ARID4B: variants seen among roughly 807,000 people sequenced by gnomAD.
The protein encoded by ARID4B is AT-rich interactive domain-containing protein 4B.
ARID4B carries 26 observed loss-of-function variants against 147.5 expected under a neutral mutation model. The observed-to-expected ratio is 0.18, with a 90% CI of 0.13 to 0.24. ARID4B has a LOEUF of 0.24. Among genes scored for constraint, ARID4B ranks in the 10% least tolerant of loss-of-function variants. The pLI, the probability that ARID4B is intolerant of heterozygous loss-of-function variation, is 1.00. For synonymous variants in ARID4B, 512 were observed against 507.9 expected (o/e 1.01, Z -0.11); for missense variants, 1,179 against 1,511.5 (o/e 0.78, Z 3.65).
intron 6 of ARID4B, 98 bp downstream of exon 6, chr1:235,252,632 C>T: frequency 1.1e-6 from 1 of 947,682 alleles, no homozygotes; most frequent in East Asian, 2.5e-5. Flanking sequence ...AATGAACTTT[C>T]CTGATTAGGA....
intron 2 of ARID4B, among the ~76,000 whole-genome samples, chr1:235,323,164 A>AT (rs913893100): frequency 6.6e-6 from 1 of 151,508 alleles, no homozygotes; most frequent in Non-Finnish European, 1.5e-5. Context: ...CAGTCTCCTG[A>AT]GTAGCTGGGA....
At chr1:235,296,202 C>T (rs1032255087) in intron 2 of ARID4B, 3 of 158,784 alleles carry the variant, frequency 1.9e-5, no homozygotes, top group Non-Finnish European at 4.2e-5. Context: ...AATACCAGAT[C>T]AAACAGGCTA....
intron 16 of ARID4B, among the ~76,000 whole-genome samples, chr1:235,216,822 T>G (rs1667124314): frequency 6.6e-6 from 1 of 152,086 alleles, no homozygotes; most frequent in Non-Finnish European, 1.5e-5. Context: ...AATACTTGCC[T>G]AAGTCATAAG....
At chr1:235,307,681 C>G (rs1017420426) in intron 2 of ARID4B, among the ~76,000 whole-genome samples, 1 of 152,132 alleles carries the variant, frequency 6.6e-6, no homozygotes, top group South Asian at 2.1e-4. Context: ...CTCAAATGAC[C>G]TTTCAAAGTC....
Position 235,182,807 on chromosome 1 carries a change from G to GAAA in ARID4B, c.2126-17_2126-15dup, listed in dbSNP as rs60537954. On this transcript the variant is annotated splice_polypyrimidine_tract_variant and intron_variant, in intron 19 of 23. Transcript: ENST00000264183. The stretch of plus-strand genomic sequence containing the variant: ...AACTTTCAGAAGCTAGAAAATAACA[G>GAAA]AAAAAAAAATGATGAGTATGATAAG... The GAAA allele has an allele frequency of 6.5e-6, 10 of 1,540,314 alleles. No homozygotes were observed. In the African/African-American group the frequency reaches 1.4e-4, roughly 21 times the overall value.
At chr1:235,232,444 T>TA (rs1668299914) in intron 9 of ARID4B, among the ~76,000 whole-genome samples, 1 of 149,820 alleles carries the variant, frequency 6.7e-6, no homozygotes, top group Non-Finnish European at 1.5e-5. Flanking sequence ...TAAAATAAAA[T>TA]AAATAAATAA....
At chr1:235,283,225 T>C (rs926601699) in intron 2 of ARID4B, among the ~76,000 whole-genome samples, 1 of 152,228 alleles carries the variant, frequency 6.6e-6, no homozygotes, top group Admixed American at 6.5e-5. Context: ...CTTTAAGTGA[T>C]TTTAAGGACA....
At chr1:235,285,615 A>G (rs1268911711) in intron 2 of ARID4B, among the ~76,000 whole-genome samples, 1 of 152,230 alleles carries the variant, frequency 6.6e-6, no homozygotes, top group Non-Finnish European at 1.5e-5. Flanking sequence ...AATGCAATCA[A>G]GAAAGAAAAG....
intron 1 of ARID4B, 103 bp from the exon 2 acceptor site, chr1:235,327,071 A>G: frequency 3.9e-6 from 3 of 767,438 alleles, no homozygotes; most frequent in South Asian, 3.2e-5. Flanking sequence ...CCGAAGAAAG[A>G]GCCGCAACCA....
intron 6 of ARID4B, among the ~76,000 whole-genome samples, chr1:235,251,933 G>C (rs1315549076): frequency 6.6e-6 from 1 of 152,162 alleles, no homozygotes; most frequent in Non-Finnish European, 1.5e-5. Context: ...TTTGGTGCTA[G>C]AAAGTGCTGG....
intron 16 of ARID4B, among the ~76,000 whole-genome samples, chr1:235,218,027 T>G (rs12029822): frequency 0.28 from 42,990 of 152,050 alleles, 7,439 homozygotes; most frequent in South Asian, 0.53. Flanking sequence ...AATTATAATA[T>G]GCTATAATAA....
At chr1:235,277,001 A>G (rs892496357) in intron 2 of ARID4B, among the ~76,000 whole-genome samples, 4 of 130,654 alleles carry the variant, frequency 3.1e-5, no homozygotes, top group South Asian at 2.3e-4. Flanking sequence ...ACCATCTCCG[A>G]AAAAAAAAAA....
At chr1:235,184,852 T>C (rs1189677055) in intron 19 of ARID4B, among the ~76,000 whole-genome samples, 5 of 152,188 alleles carry the variant, frequency 3.3e-5, no homozygotes, top group Non-Finnish European at 5.9e-5. Flanking sequence ...AATCTCACTC[T>C]GTCACCCAGG....
chr1:235,319,242 C>T (rs1050623196), intron 2 of ARID4B, among the ~76,000 whole-genome samples: 4 of 152,222 alleles, frequency 2.6e-5, no homozygotes, highest in Non-Finnish European at 4.4e-5. Context: ...TTTGGTGAGG[C>T]GCGGTGGCTC....
At chr1:235,322,337 C>A (rs1674900434) in intron 2 of ARID4B, among the ~76,000 whole-genome samples, 1 of 152,084 alleles carries the variant, frequency 6.6e-6, no homozygotes. Context: ...TTTTCGACTC[C>A]CTCACTCAGC....
intron 2 of ARID4B, among the ~76,000 whole-genome samples, chr1:235,301,592 C>CTAGGGTG (rs1673148533): frequency 6.9e-6 from 1 of 144,768 alleles, no homozygotes; most frequent in Non-Finnish European, 1.5e-5. Flanking sequence ...CTGGCCCAGG[C>CTAGGGTG]TAGGGTGCAG....
intron 2 of ARID4B, among the ~76,000 whole-genome samples, chr1:235,269,539 G>C (rs373201676): frequency 2.6e-5 from 4 of 152,256 alleles, no homozygotes; most frequent in Non-Finnish European, 5.9e-5. Flanking sequence ...AGTACAATGG[G>C]TGACAGAACA....
chr1:235,242,213 A>C (rs1361993819), intron 7 of ARID4B, among the ~76,000 whole-genome samples: 1 of 150,880 alleles, frequency 6.6e-6, no homozygotes, highest in East Asian at 2.0e-4. Context: ...GCACCACTGC[A>C]CTCCAGCCTG....
At chr1:235,221,718 A>ACC in intron 13 of ARID4B, 56 bp from the exon 14 acceptor site, 1 of 941,596 alleles carries the variant, frequency 1.1e-6, no homozygotes, top group Non-Finnish European at 1.7e-6. Context: ...ATATAATAAC[A>ACC]TTTTGATAGA....
Sources: gnomAD v4.1 joint callset for allele counts (sites outside exome capture counted in the v4.1 genomes callset) on GRCh38, gnomAD v4.1.1 for gene constraint, MANE v1.5 for transcripts, NCBI Gene and HGNC (gene_info 2026-07-23, HGNC 2026-07-21) for gene names.